Variants in UBE2N observed in about 807,000 individuals in gnomAD.
UBE2N encodes the protein ubiquitin-conjugating enzyme E2 N.
For synonymous variants in UBE2N, 70 were observed against 69.2 expected, an observed-to-expected ratio of 1.01 and a Z score of -0.06; for missense variants, 60 against 192.1, an observed-to-expected ratio of 0.31 and a Z score of 4.07.
intron 1 of UBE2N, among the ~76,000 whole-genome samples, chr12:93,432,712 A>T (rs2121093385): frequency 6.6e-6 from 1 of 152,270 alleles, no homozygotes; most frequent in Admixed American, 6.5e-5. Context: ...ACATAATGTG[A>T]AGGTATTGAA....
intron 1 of UBE2N, among the ~76,000 whole-genome samples, chr12:93,432,358 C>T (rs1437149923): frequency 6.6e-6 from 1 of 151,812 alleles, no homozygotes; most frequent in Non-Finnish European, 1.5e-5. Context: ...AATAAAGAGA[C>T]ACGCAAATCA....
chr12:93,417,683 C>A (rs898186623), intron 1 of UBE2N, among the ~76,000 whole-genome samples: 2 of 152,182 alleles, frequency 1.3e-5, no homozygotes, highest in Non-Finnish European at 2.9e-5. Flanking sequence ...AACTCAGTAA[C>A]TGCCAATTTC....
chr12:93,428,435 A>G (rs1488897896), intron 1 of UBE2N, among the ~76,000 whole-genome samples: 1 of 152,066 alleles, frequency 6.6e-6, no homozygotes, highest in Non-Finnish European at 1.5e-5. Flanking sequence ...CAGCTCAAAT[A>G]TCATCCTCTA....
chr12:93,437,536 C>T (rs1188705387), intron 1 of UBE2N, among the ~76,000 whole-genome samples: 3 of 152,128 alleles, frequency 2.0e-5, no homozygotes, highest in Admixed American at 1.3e-4. Flanking sequence ...GTGGCTCACA[C>T]CTGTAATCCT....
intron 1 of UBE2N, among the ~76,000 whole-genome samples, chr12:93,439,446 T>TGCA (rs777475619): frequency 1.1e-4 from 16 of 152,146 alleles, no homozygotes; most frequent in Non-Finnish European, 2.9e-5. Context: ...GCCACTGCAC[T>TGCA]GCAGCCTGGG....
At chr12:93,437,722 G>A (rs1331605305) in intron 1 of UBE2N, among the ~76,000 whole-genome samples, 1 of 152,096 alleles carries the variant, frequency 6.6e-6, no homozygotes, top group African/African-American at 2.4e-5. Flanking sequence ...CTGGGAGGTG[G>A]AGTTTGCAGT....
chr12:93,440,735 AC>A (rs1879075054), intron 1 of UBE2N, among the ~76,000 whole-genome samples: 1 of 152,202 alleles, frequency 6.6e-6, no homozygotes, highest in Admixed American at 6.5e-5. Flanking sequence ...CTTCATAAAA[AC>A]CGACACAAAA....
At chr12:93,419,061 A>C (rs1015013129) in intron 1 of UBE2N, among the ~76,000 whole-genome samples, 1 of 152,228 alleles carries the variant, frequency 6.6e-6, no homozygotes, top group South Asian at 2.1e-4. Context: ...TTTTGTACAG[A>C]AACTTTAAAG....
chr12:93,441,628 G>A (rs772654231), intron 1 of UBE2N, among the ~76,000 whole-genome samples: 12 of 151,988 alleles, frequency 7.9e-5, no homozygotes, highest in Non-Finnish European at 1.6e-4. Context: ...GCAGCCGCCT[G>A]GAAGCCCCGG....
At chr12:93,414,283 C>T (rs1878127755) in intron 1 of UBE2N, among the ~76,000 whole-genome samples, 1 of 151,676 alleles carries the variant, frequency 6.6e-6, no homozygotes, top group Non-Finnish European at 1.5e-5. Context: ...AATCCCACCT[C>T]TACTAAAAAT....
Position 93,408,343 on chromosome 12 carries a change from C to A in UBE2N, c.*1696G>T, listed in dbSNP as rs1877927040. 6.6e-6 allele frequency: 1 copy of A among 152,186 alleles called. No individual in the cohort carries two copies. Among genetic ancestry groups the A allele is most frequent in the Admixed American group, 6.5e-5 (1 of 15,270 alleles). 9.4% of individuals were successfully genotyped at this position (152,186 alleles called of 1,614,324 possible). On this transcript the variant is annotated 3_prime_UTR_variant, in exon 4 of 4. Transcript: ENST00000318066. ...AGCAATGCATTTATTTGGAAGGATA[C>A]CAGTTACCAGTCATCAAAAGCTTTT...
intron 1 of UBE2N, among the ~76,000 whole-genome samples, chr12:93,413,872 T>C (rs1460175366): frequency 1.3e-5 from 2 of 152,178 alleles, no homozygotes; most frequent in Non-Finnish European, 2.9e-5. Context: ...TTAAAAGTCA[T>C]AGTCCTGAGC....
At chr12:93,427,276 G>C (rs950076222) in intron 1 of UBE2N, among the ~76,000 whole-genome samples, 3 of 152,214 alleles carry the variant, frequency 2.0e-5, no homozygotes, top group African/African-American at 7.2e-5. Context: ...GGAAATCCCT[G>C]TTCTAAAGCA....
chr12:93,441,720 C>G, intron 1 of UBE2N, 135 bp downstream of exon 1: 2 of 1,232,796 alleles, frequency 1.6e-6, no homozygotes, highest in Non-Finnish European at 2.2e-6. Context: ...CTCGCCGCCG[C>G]GGCCAACCCC....
chr12:93,420,555 A>C (rs192163971), intron 1 of UBE2N, among the ~76,000 whole-genome samples: 2 of 152,270 alleles, frequency 1.3e-5, no homozygotes, highest in East Asian at 3.9e-4. Flanking sequence ...TCAGACCCTA[A>C]ACTATTTGAA....
chr12:93,419,328 T>G (rs1449109853), intron 1 of UBE2N, among the ~76,000 whole-genome samples: 1 of 151,782 alleles, frequency 6.6e-6, no homozygotes, highest in Non-Finnish European at 1.5e-5. Context: ...AGACGGAGGT[T>G]GCAGTGAGCC....
intron 1 of UBE2N, among the ~76,000 whole-genome samples, chr12:93,416,699 T>C (rs1878221781): frequency 6.6e-6 from 1 of 151,816 alleles, no homozygotes; most frequent in Non-Finnish European, 1.5e-5. Context: ...CGCCCGGCCT[T>C]ATCTATCTTT....
chr12:93,435,650 T>C (rs1334398366), intron 1 of UBE2N, among the ~76,000 whole-genome samples: 1 of 152,132 alleles, frequency 6.6e-6, no homozygotes, highest in Non-Finnish European at 1.5e-5. Flanking sequence ...GTGAGTTTTC[T>C]AAATCACTTT....
At chr12:93,427,996 G>C (rs375388560) in intron 1 of UBE2N, among the ~76,000 whole-genome samples, 2 of 152,042 alleles carry the variant, frequency 1.3e-5, no homozygotes, top group Admixed American at 6.6e-5. Flanking sequence ...GCTCACTGCC[G>C]CCTCAACCTC....
Sources: gnomAD v4.1 joint callset for allele counts (sites outside exome capture counted in the v4.1 genomes callset) on GRCh38, gnomAD v4.1.1 for gene constraint, MANE v1.5 for transcripts, NCBI Gene and HGNC (gene_info 2026-07-23, HGNC 2026-07-21) for gene names.